Variants in NAV3 observed in about 807,000 individuals in gnomAD.
NAV3 encodes neuron navigator 3.
Under a neutral mutation model 244.7 loss-of-function variants are expected in NAV3, and 87 were observed. The observed-to-expected ratio is 0.36, with a 90% CI of 0.30 to 0.42. The LOEUF (loss-of-function observed/expected upper bound fraction) is 0.42. Among genes scored for constraint, NAV3 ranks in the 20% least tolerant of loss-of-function variants. The probability of loss-of-function intolerance (pLI) is 1.00; values close to 1 mark genes in which losing one functional copy is unlikely to be tolerated. For missense variants in NAV3, 2,663 were observed against 2,893.3 expected (o/e 0.92, Z 1.83); for synonymous variants, 1,126 against 1,042.2 (o/e 1.08, Z -1.55).
intron 1 of NAV3, among the ~76,000 whole-genome samples, chr12:77,918,418 A>G (rs779208642): frequency 6.6e-6 from 1 of 152,120 alleles, no homozygotes; most frequent in Non-Finnish European, 1.5e-5. Context: ...ACTGTTAGCT[A>G]CTGATTTTCT....
At chr12:77,681,259 A>C (rs1258041317) in intron 2 of NAV3, among the ~76,000 whole-genome samples, 2 of 152,244 alleles carry the variant, frequency 1.3e-5, no homozygotes, top group African/African-American at 4.8e-5. Flanking sequence ...CATTCAGTTC[A>C]GAAAACATGA....
In NAV3 at chr12:77,577,285, T is replaced by A. The variant is rs1035766619; in HGVS notation, c.72+5019T>A. 2.6e-5 allele frequency among the ~76,000 whole-genome samples: 4 copies of A among 152,184 alleles called. No homozygotes were observed. The South Asian group carries it at 8.3e-4, about 31-fold the overall frequency. ...TCCTCTAAGGATGAATTAGATAAAG[T>A]GACTCTTTTTCCACTCAGAAGTGAT... On this transcript the variant is annotated intron_variant, in intron 2 of 8. Coordinates refer to the NAV3 transcript ENST00000550042.
chr12:78,038,994 C>A (rs950180960), intron 9 of NAV3, among the ~76,000 whole-genome samples: 1 of 151,946 alleles, frequency 6.6e-6, no homozygotes, highest in South Asian at 2.1e-4. Context: ...CAAAAGAAGC[C>A]GGTATGCCTT....
At chr12:77,604,565 T>C (rs1477668604) in intron 2 of NAV3, among the ~76,000 whole-genome samples, 1 of 86,792 alleles carries the variant, frequency 1.2e-5, no homozygotes, top group Non-Finnish European at 3.2e-5. Flanking sequence ...TCTTATGTAG[T>C]TTTTTTTTTG....
At chr12:77,731,478 T>C (rs1006938416) in intron 2 of NAV3, among the ~76,000 whole-genome samples, 4 of 152,116 alleles carry the variant, frequency 2.6e-5, no homozygotes, top group African/African-American at 7.2e-5. Flanking sequence ...ATTTACCTAG[T>C]TAGTATAACA....
intron 39 of NAV3, among the ~76,000 whole-genome samples, chr12:78,206,882 G>C (rs1960385217): frequency 1.1e-5 from 1 of 90,694 alleles, no homozygotes; most frequent in Admixed American, 1.5e-4. Flanking sequence ...TTTTGAGACA[G>C]AGTTTCATTC....
chr12:78,067,917 A>C (rs528988412), intron 12 of NAV3, among the ~76,000 whole-genome samples: 1 of 152,158 alleles, frequency 6.6e-6, no homozygotes, highest in African/African-American at 2.4e-5. Flanking sequence ...TTACTAATGA[A>C]TCTTATGAGG....
intron 23 of NAV3, among the ~76,000 whole-genome samples, chr12:78,166,416 G>T (rs1957783295): frequency 7.6e-6 from 1 of 130,770 alleles, no homozygotes; most frequent in South Asian, 2.4e-4. Context: ...GTAGAATTTG[G>T]CTATCTTTTT....
intron 2 of NAV3, among the ~76,000 whole-genome samples, chr12:77,597,229 G>A (rs868567226): frequency 3.9e-5 from 6 of 151,934 alleles, no homozygotes; most frequent in Non-Finnish European, 7.4e-5. Flanking sequence ...TGCTATAAGC[G>A]TGGCACCACC....
chr12:77,749,436 G>A (rs533020116), intron 2 of NAV3, among the ~76,000 whole-genome samples: 1 of 152,262 alleles, frequency 6.6e-6, no homozygotes, highest in South Asian at 2.1e-4. Context: ...ATGAAAATGA[G>A]TATTAATATG....
chr12:77,854,268 C>G (rs545211151), intron 1 of NAV3, among the ~76,000 whole-genome samples: 3 of 152,092 alleles, frequency 2.0e-5, no homozygotes, highest in Non-Finnish European at 2.9e-5. Context: ...TGGAAGGCAG[C>G]CTGTTTCTGT....
At chr12:78,117,017 C>A (rs1955417149) in intron 13 of NAV3, 113 bp downstream of exon 13, 4 of 1,230,618 alleles carry the variant, frequency 3.3e-6, no homozygotes, top group Non-Finnish European at 4.5e-6. Flanking sequence ...ATTACAGAAA[C>A]TGGAAAATGC....
chr12:77,584,174 C>T (rs1461611681), intron 2 of NAV3, among the ~76,000 whole-genome samples: 1 of 152,164 alleles, frequency 6.6e-6, no homozygotes, highest in African/African-American at 2.4e-5. Flanking sequence ...TGCAGTCAGC[C>T]TCTACCAGGT....
At chr12:77,606,712 C>A (rs943702530) in intron 2 of NAV3, among the ~76,000 whole-genome samples, 1 of 152,146 alleles carries the variant, frequency 6.6e-6, no homozygotes, top group South Asian at 2.1e-4. Flanking sequence ...TTGATGAAGA[C>A]TCCCATCATA....
At chr12:78,147,266 C>A (rs897350651) in intron 21 of NAV3, among the ~76,000 whole-genome samples, 18 of 151,984 alleles carry the variant, frequency 1.2e-4, no homozygotes, top group African/African-American at 4.3e-4. Context: ...TTATTTACAT[C>A]ACATGGACAT....
intron 2 of NAV3, among the ~76,000 whole-genome samples, chr12:77,756,199 A>G (rs1215870913): frequency 2.0e-5 from 3 of 152,266 alleles, no homozygotes; most frequent in East Asian, 1.9e-4. Flanking sequence ...GCCTTTTTTT[A>G]GTATCATTAT....
At chr12:77,682,692 C>T (rs1434386057) in intron 2 of NAV3, among the ~76,000 whole-genome samples, 2 of 152,096 alleles carry the variant, frequency 1.3e-5, no homozygotes, top group Non-Finnish European at 2.9e-5. Context: ...TGATAATAGT[C>T]ATTCTAATAG....
chr12:77,640,436 C>T (rs774133583), intron 2 of NAV3, among the ~76,000 whole-genome samples: 9 of 152,132 alleles, frequency 5.9e-5, no homozygotes, highest in Non-Finnish European at 1.2e-4. Flanking sequence ...CCATCCCTTC[C>T]CCATCCCTGG....
chr12:77,635,777 A>G (rs1007990866), intron 2 of NAV3, among the ~76,000 whole-genome samples: 2 of 151,950 alleles, frequency 1.3e-5, no homozygotes, highest in African/African-American at 4.8e-5. Context: ...TTAATCTTCT[A>G]AAAAAAACCG....
Sources: allele counts gnomAD v4.1 joint callset (sites outside exome capture counted in the v4.1 genomes callset), GRCh38; gene constraint gnomAD v4.1.1; transcripts MANE v1.5; gene names NCBI Gene and HGNC (gene_info 2026-07-23, HGNC 2026-07-21).